The following CCDC138 variants were observed in gnomAD, a reference collection of about 807,000 sequenced individuals.
The protein encoded by CCDC138 is coiled-coil domain-containing protein 138.
In CCDC138, 66 loss-of-function variants were observed where a neutral mutation model predicts 82.3. The ratio of observed to expected loss-of-function variants is 0.80; its 90% CI spans 0.66 to 0.98. The LOEUF (loss-of-function observed/expected upper bound fraction) is 0.98. CCDC138 is among the 50% of genes least tolerant of loss of function. CCDC138 has a pLI of 0.00. For missense variants in CCDC138, 816 were observed against 758.9 expected, an observed-to-expected ratio of 1.08 and a Z score of -0.88; for synonymous variants, 297 against 265.4, an observed-to-expected ratio of 1.12 and a Z score of -1.16.
intron 13 of CCDC138, among the ~76,000 whole-genome samples, chr2:108,865,224 C>A (rs1694240788): frequency 6.6e-6 from 1 of 152,124 alleles, no homozygotes; most frequent in Non-Finnish European, 1.5e-5. Flanking sequence ...AAAATTCATT[C>A]ATTTAAGCAG....
chr2:108,856,808 C>G lies in CCDC138; in HGVS notation c.1531C>G (p.Gln511Glu). The part of the protein sequence containing the change: ...KTVTQADYLA[Q>E]AFDSLCLDLK... ...CTATTTTCCAGCTGATTACCTGGCT[C>G]AGGCATTTGATTCTCTTTGTTTGGA... The change falls in exon 13 of 15, where the codon CAG becomes GAG. Residue 511 changes from glutamine to glutamate, a missense_variant. Gln to Glu is a conservative substitution (Grantham distance 29). Transcript: ENST00000295124. 1 of 1,613,108 alleles carries G rather than the reference C, an allele frequency of 6.2e-7. No homozygotes were observed. The highest frequency in any genetic ancestry group is 8.5e-7 in the Non-Finnish European group (1 of 1,179,682).
At chr2:108,833,164 A>G (rs1452699274) in intron 10 of CCDC138, among the ~76,000 whole-genome samples, 1 of 152,228 alleles carries the variant, frequency 6.6e-6, no homozygotes, top group Non-Finnish European at 1.5e-5. Context: ...ATTTCCTGTG[A>G]TACATGGTGG....
chr2:108,793,845 G>T (rs954265548), intron 4 of CCDC138, among the ~76,000 whole-genome samples: 1 of 151,356 alleles, frequency 6.6e-6, no homozygotes, highest in Non-Finnish European at 1.5e-5. Context: ...CTCATGATCC[G>T]CCCGCCTCGG....
At chr2:108,793,257 C>T (rs1203318198) in intron 4 of CCDC138, among the ~76,000 whole-genome samples, 1 of 151,790 alleles carries the variant, frequency 6.6e-6, no homozygotes, top group African/African-American at 2.4e-5. Flanking sequence ...CCCAGCTGCT[C>T]GGGAGGCGGA....
Position 108,853,882 on chromosome 2 carries a change from T to G in CCDC138, c.1517-2912T>G, listed in dbSNP as rs1245219470. On this transcript the variant is annotated intron_variant, in intron 12 of 14. Transcript: ENST00000295124. Reference sequence around the variant, plus strand: ...TATATAATATATATACTATATAATATATTATATAGTATATATATTATATAT... The same window carrying G: ...TATATAATATATATACTATATAATAGATTATATAGTATATATATTATATAT... 4.7e-4 allele frequency among the ~76,000 whole-genome samples: 58 copies of G among 123,274 alleles called. 1 individual carries two copies. The highest frequency in any genetic ancestry group is 1.8e-3 in the African/African-American group (55 of 31,268). 80.9% of individuals were successfully genotyped at this position (123,274 alleles called of 152,430 possible). A position where few individuals can be genotyped will look rare whatever the true frequency, so the allele number is the denominator to read the frequency against.
At chr2:108,870,401 A>G (rs1249034582) in intron 13 of CCDC138, among the ~76,000 whole-genome samples, 2 of 152,192 alleles carry the variant, frequency 1.3e-5, no homozygotes, top group East Asian at 1.9e-4. Context: ...GCATTACTGG[A>G]GTCCAGAAGG....
At chr2:108,845,555 GCTTTC>G (rs776579424) in intron 11 of CCDC138, among the ~76,000 whole-genome samples, 5 of 146,024 alleles carry the variant, frequency 3.4e-5, no homozygotes, top group Non-Finnish European at 7.4e-5. Context: ...AGTTTGAAAT[GCTTTC>G]CTTTCATTTG....
intron 11 of CCDC138, among the ~76,000 whole-genome samples, chr2:108,842,682 C>T (rs1689710310): frequency 6.6e-6 from 1 of 152,152 alleles, no homozygotes; most frequent in Middle Eastern, 3.4e-3. Flanking sequence ...TTGTCTAAGG[C>T]AGATATCTGA....
At chr2:108,821,228 C>T (rs1174650268) in intron 10 of CCDC138, among the ~76,000 whole-genome samples, 2 of 151,974 alleles carry the variant, frequency 1.3e-5, no homozygotes, top group African/African-American at 4.8e-5. Context: ...CATGGTCATA[C>T]GTGCCTGTAA....
intron 11 of CCDC138, among the ~76,000 whole-genome samples, chr2:108,843,844 T>TTGTGTGTGTGTGTGTG (rs71383805): frequency 3.5e-3 from 79 of 22,812 alleles, no homozygotes; most frequent in African/African-American, 4.7e-3. Context: ...AGTTCATGTT[T>TTGTGTGTGTGTGTGTG]TGTGTGTGTG....
intron 5 of CCDC138, among the ~76,000 whole-genome samples, chr2:108,795,675 A>G (rs1472477135): frequency 6.6e-6 from 1 of 152,164 alleles, no homozygotes; most frequent in Non-Finnish European, 1.5e-5. Context: ...TCACCAGGAA[A>G]AGTTTAGGGA....
At chr2:108,819,493 G>GT (rs1685307198) in intron 10 of CCDC138, among the ~76,000 whole-genome samples, 2 of 152,042 alleles carry the variant, frequency 1.3e-5, no homozygotes, top group Non-Finnish European at 2.9e-5. Context: ...GCTGCAGCAC[G>GT]TAAGAGCTGC....
At chr2:108,831,659 A>G (rs1197116223) in intron 10 of CCDC138, among the ~76,000 whole-genome samples, 3 of 151,044 alleles carry the variant, frequency 2.0e-5, no homozygotes, top group Admixed American at 6.6e-5. Flanking sequence ...CCTAGGTTCT[A>G]TCCCTGGAAT....
intron 13 of CCDC138, among the ~76,000 whole-genome samples, chr2:108,866,183 G>A (rs1280128384): frequency 6.6e-6 from 1 of 152,104 alleles, no homozygotes; most frequent in East Asian, 1.9e-4. Context: ...CAGTTTGCTT[G>A]TTGGAAGAAG....
At chr2:108,795,813 G>A (rs1680772549) in intron 5 of CCDC138, among the ~76,000 whole-genome samples, 2 of 152,098 alleles carry the variant, frequency 1.3e-5, no homozygotes, top group South Asian at 4.1e-4. Context: ...AGCCTGTCTG[G>A]AAGAAAGAAA....
Position 108,811,245 on chromosome 2 carries a change from C to CTTTTTTTTTT in CCDC138, c.856-1385_856-1384insTTTTTTTTTT, listed in dbSNP as rs144518921. 9.2e-4 allele frequency among the ~76,000 whole-genome samples: 101 copies of CTTTTTTTTTT among 109,602 alleles called. 19 individuals carry two copies. The highest frequency in any genetic ancestry group is 2.0e-3 in the African/African-American group (48 of 23,864). The allele number at this position is 109,602 out of a possible 152,430, so 71.9% of individuals were successfully genotyped here. A position where few individuals can be genotyped will look rare whatever the true frequency, so the allele number is the denominator to read the frequency against. On this transcript the variant is annotated intron_variant, in intron 7 of 14. Transcript: ENST00000295124. ...CTCTCCCTTTTCTTTCTTTCTCTCT[C>CTTTTTTTTTT]TCTTTTTTTTTTTTTTTGACTGTCT... is the stretch of plus-strand genomic sequence containing the variant.
At chr2:108,828,761 C>T (rs1687059896) in intron 10 of CCDC138, among the ~76,000 whole-genome samples, 1 of 152,080 alleles carries the variant, frequency 6.6e-6, no homozygotes, top group African/African-American at 2.4e-5. Context: ...GACAGATCAC[C>T]AGGTCAGGAG....
chr2:108,859,215 C>T (rs879299215), intron 13 of CCDC138, among the ~76,000 whole-genome samples: 1 of 152,162 alleles, frequency 6.6e-6, no homozygotes, highest in African/African-American at 2.4e-5. Flanking sequence ...TGAGAAGTAT[C>T]TGTTCATGTC....
At chr2:108,794,797 TAATATATTTCATTTTAATTA>T in intron 5 of CCDC138, 76 bp downstream of exon 5, 2 of 65,450 alleles carry the variant, frequency 3.1e-5, no homozygotes, top group East Asian at 3.0e-3. Flanking sequence ...AATTTGAATA[TAATATATTTCATTTTAATTA>T]CTTTAGATAA....
Sources: gnomAD v4.1 joint callset for allele counts (sites outside exome capture counted in the v4.1 genomes callset) on GRCh38, gnomAD v4.1.1 for gene constraint, MANE v1.5 for transcripts, NCBI Gene and HGNC (gene_info 2026-07-23, HGNC 2026-07-21) for gene names.